Variants in PCDHA5 observed in about 807,000 individuals in gnomAD.
The protein encoded by PCDHA5 is protocadherin alpha-5.
A neutral mutation model predicts 61.6 loss-of-function variants in PCDHA5; 43 were observed. The observed-to-expected ratio is 0.70, with a 90% CI of 0.55 to 0.90. The LOEUF (loss-of-function observed/expected upper bound fraction) is 0.90. Among genes scored for constraint, PCDHA5 ranks in the 40% least tolerant of loss-of-function variants. The pLI is 0.00. For missense variants in PCDHA5, 1,298 were observed against 1,222.7 expected, an observed-to-expected ratio of 1.06 and a Z score of -0.92; for synonymous variants, 627 against 543.9, an observed-to-expected ratio of 1.15 and a Z score of -2.13.
At chr5:140,917,324 C>CGG (rs1299895515) in intron 1 of PCDHA5, among the ~76,000 whole-genome samples, 73 of 76,040 alleles carry the variant, frequency 9.6e-4, no homozygotes, top group South Asian at 2.7e-3. Flanking sequence ...GTTCATGTGG[C>CGG]GGGGGAGGGG....
At chr5:140,870,456 G>A (rs782212198) in intron 1 of PCDHA5, 15 of 1,614,110 alleles carry the variant, frequency 9.3e-6, no homozygotes, top group South Asian at 5.5e-5. Flanking sequence ...ACGACAATGC[G>A]CCTGCGTTCG....
At chr5:141,001,303 A>G (rs2098006866) in intron 3 of PCDHA5, among the ~76,000 whole-genome samples, 2 of 152,182 alleles carry the variant, frequency 1.3e-5, no homozygotes, top group Admixed American at 1.3e-4. Context: ...GCCCAGAGAT[A>G]TGAAATAATT....
At chr5:140,827,834 A>T in intron 1 of PCDHA5, 2 of 435,400 alleles carry the variant, frequency 4.6e-6, no homozygotes, top group Non-Finnish European at 4.0e-6. Context: ...AAGTAGAGAA[A>T]AGAAGATACT....
In PCDHA5 at chr5:140,986,391, G is replaced by A. The variant is rs144915625; in HGVS notation, c.2500+3828G>A. Among the ~76,000 whole-genome samples, 1,153 of 152,256 alleles carry A rather than the reference G, an allele frequency of 7.6e-3. 6 individuals are homozygous for A. Among genetic ancestry groups the A allele is most frequent in the Middle Eastern group, 0.014 (4 of 294 alleles). ...GTTTTGGGGGGAGGGACATTAAAGG[G>A]CCAGTCGCTCATGTTACAGCTCTTT... On this transcript the variant is annotated intron_variant, in intron 3 of 3. Transcript: ENST00000529859.
At chr5:140,979,078 A>G (rs2240296) in intron 2 of PCDHA5, 71 bp downstream of exon 2, 2 of 1,583,496 alleles carry the variant, frequency 1.3e-6, no homozygotes, top group East Asian at 4.5e-5. Flanking sequence ...CTGCATCTCC[A>G]TAGGCCAGAA....
chr5:140,828,214 C>T (rs1161769031), intron 1 of PCDHA5: 8 of 1,614,030 alleles, frequency 5.0e-6, no homozygotes, highest in African/African-American at 4.0e-5. Context: ...AGGCCAAACA[C>T]GGCACCTTCG....
At chr5:140,937,869 G>A (rs1268422806) in intron 1 of PCDHA5, among the ~76,000 whole-genome samples, 1 of 150,376 alleles carries the variant, frequency 6.6e-6, no homozygotes, top group African/African-American at 2.5e-5. Flanking sequence ...CCGAGATCGC[G>A]CCACTGCACT....
At chr5:140,941,220 TTTC>T (rs2092903024) in intron 1 of PCDHA5, among the ~76,000 whole-genome samples, 1 of 131,326 alleles carries the variant, frequency 7.6e-6, no homozygotes, top group Non-Finnish European at 1.6e-5. Flanking sequence ...TCTTCCTTTC[TTTC>T]TTTCTTTCTT....
chr5:140,897,722 T>A (rs1236534951), intron 1 of PCDHA5, among the ~76,000 whole-genome samples: 1 of 152,162 alleles, frequency 6.6e-6, no homozygotes, highest in African/African-American at 2.4e-5. Flanking sequence ...GATGGCTGGG[T>A]CAAATAGTAT....
chr5:140,822,742 GA>G lies in PCDHA5; in HGVS notation c.968del (p.Asp323ValfsTer13). The G allele has an allele frequency of 6.2e-7, 1 of 1,613,740 alleles. No homozygotes were observed. Among genetic ancestry groups the G allele is most frequent in the African/African-American group, 1.3e-5 (1 of 75,036 alleles). On this transcript the variant is annotated frameshift_variant, in exon 1 of 4. Transcript: ENST00000529859. LOFTEE classifies it high-confidence loss of function. ...ATATGAAATTAATATTGATGCCATG[GA>G]TAAAAGTACATTCCCATTATCAGGA... ...NSYEINIDAM[D>X]KSTFPLSGHC...
intron 1 of PCDHA5, chr5:140,836,571 G>T: frequency 6.2e-7 from 1 of 1,613,712 alleles, no homozygotes; most frequent in South Asian, 1.1e-5. Flanking sequence ...GTCCTCTGAG[G>T]GCGCATGTAG....
intron 1 of PCDHA5, among the ~76,000 whole-genome samples, chr5:140,878,826 C>G (rs1048428036): frequency 1.3e-5 from 2 of 152,182 alleles, no homozygotes; most frequent in Non-Finnish European, 2.9e-5. Flanking sequence ...CTATGTTGCA[C>G]AGGCTGGACT....
intron 1 of PCDHA5, among the ~76,000 whole-genome samples, chr5:140,845,529 C>T (rs1215652853): frequency 6.7e-6 from 1 of 149,420 alleles, no homozygotes; most frequent in Non-Finnish European, 1.5e-5. Context: ...TAATACTTTT[C>T]ACTATTCTAA....
chr5:140,925,026 G>A (rs1440774987), intron 1 of PCDHA5, among the ~76,000 whole-genome samples: 1 of 151,826 alleles, frequency 6.6e-6, no homozygotes, highest in Non-Finnish European at 1.5e-5. Flanking sequence ...TGGGAGGATC[G>A]CTTGAGCCCA....
At chr5:140,829,378 C>G in intron 1 of PCDHA5, 1 of 1,614,180 alleles carries the variant, frequency 6.2e-7, no homozygotes, top group Non-Finnish European at 8.5e-7. Context: ...CCGCGCGGGA[C>G]GGGGGCTCGC....
chr5:140,937,151 C>T (rs1170352289), intron 1 of PCDHA5, among the ~76,000 whole-genome samples: 1 of 151,572 alleles, frequency 6.6e-6, no homozygotes, highest in African/African-American at 2.4e-5. Context: ...CATTCTCCTG[C>T]CTCAGCCTCC....
intron 1 of PCDHA5, among the ~76,000 whole-genome samples, chr5:140,945,574 G>C (rs2153670366): frequency 6.6e-6 from 1 of 151,978 alleles, no homozygotes; most frequent in Middle Eastern, 3.4e-3. Context: ...ATACTACCTG[G>C]CTTCAAAATA....
intron 1 of PCDHA5, among the ~76,000 whole-genome samples, chr5:140,945,280 A>G (rs1482777954): frequency 6.6e-6 from 1 of 152,146 alleles, no homozygotes; most frequent in Non-Finnish European, 1.5e-5. Flanking sequence ...ACTTTAAAAC[A>G]TTGATGAAAG....
At chr5:140,827,839 G>A in intron 1 of PCDHA5, 1 of 453,654 alleles carries the variant, frequency 2.2e-6, no homozygotes, top group Non-Finnish European at 3.8e-6. Flanking sequence ...GAGAAAAGAA[G>A]ATACTGTTTT....
Sources: allele counts gnomAD v4.1 joint callset (sites outside exome capture counted in the v4.1 genomes callset), GRCh38; gene constraint gnomAD v4.1.1; transcripts MANE v1.5; gene names NCBI Gene and HGNC (gene_info 2026-07-23, HGNC 2026-07-21).